MYO5C: variants seen among roughly 807,000 people sequenced by gnomAD.
MYO5C encodes unconventional myosin-Vc.
In MYO5C, 194 loss-of-function variants were observed where a neutral mutation model predicts 235.7. The observed-to-expected ratio is 0.82, with a 90% CI of 0.73 to 0.93. MYO5C has a LOEUF of 0.93. Among genes scored for constraint, MYO5C ranks in the 40% least tolerant of loss-of-function variants. The probability of loss-of-function intolerance (pLI) is 0.00; values close to 1 mark genes in which losing one functional copy is unlikely to be tolerated. For synonymous variants in MYO5C, 707 were observed against 754.8 expected (o/e 0.94, Z 1.04); for missense variants, 2,038 against 2,127.2 (o/e 0.96, Z 0.82).
chr15:52,208,163 A>G (rs2141270827), intron 36 of MYO5C, among the ~76,000 whole-genome samples: 1 of 152,346 alleles, frequency 6.6e-6, no homozygotes, highest in East Asian at 1.9e-4. Context: ...CTGGAAGCAG[A>G]GTCGGAATGG....
chr15:52,219,413 G>A lies in MYO5C; in HGVS notation c.3785+346C>T, dbSNP rs531175075. Among the ~76,000 whole-genome samples, 26 of 152,312 alleles carry A rather than the reference G, an allele frequency of 1.7e-4. 1 individual carries two copies. The highest frequency in any genetic ancestry group is 3.2e-4 in the Non-Finnish European group (22 of 68,030). On this transcript the variant is annotated intron_variant, in intron 31 of 40. Transcript: ENST00000261839. ...CACACTCTTATCTGTTGTTTGAACA[G>A]ATAATTCAAGTGCATGGTATAGCAT...
At chr15:52,223,748 T>A in intron 28 of MYO5C, 24 bp from the exon 29 acceptor site, 1 of 1,602,934 alleles carries the variant, frequency 6.2e-7, no homozygotes, top group Non-Finnish European at 8.5e-7. Context: ...GGTCAAGAAA[T>A]AAACCACATG....
At position 52,213,229 on chromosome 15, in the gene MYO5C, T is replaced by C; in HGVS notation, c.4100A>G (p.Lys1367Arg). ...PKEYLGMLQY[K>R]REDEAKLIQN... The stretch of plus-strand genomic sequence containing the variant: ...AATGAGCTTGGCCTCGTCTTCTCTC[T>C]TGTATTGCAGCATTCCAAGGTACTC... The change falls in exon 34 of 41, where the codon AAG becomes AGG. Residue 1367 changes from lysine to arginine, a missense_variant. Transcript: ENST00000261839. 6.2e-7 allele frequency: 1 copy of C among 1,614,184 alleles called. No homozygotes were observed. Among genetic ancestry groups the C allele is most frequent in the Non-Finnish European group, 8.5e-7 (1 of 1,180,004 alleles).
intron 36 of MYO5C, among the ~76,000 whole-genome samples, chr15:52,206,754 G>A (rs1032685689): frequency 6.6e-6 from 1 of 152,162 alleles, no homozygotes; most frequent in African/African-American, 2.4e-5. Context: ...CCCAGCCTGC[G>A]GTATTTTGTT....
intron 38 of MYO5C, among the ~76,000 whole-genome samples, chr15:52,199,437 GA>G (rs1373175123): frequency 6.6e-6 from 1 of 152,180 alleles, no homozygotes; most frequent in East Asian, 1.9e-4. Context: ...GCTATTTGAG[GA>G]CTTGGAAAAG....
intron 14 of MYO5C, 114 bp downstream of exon 14, chr15:52,248,586 T>TCA (rs35030676): frequency 0.11 from 69,443 of 643,140 alleles, 1,468 homozygotes; most frequent in East Asian, 0.18. Flanking sequence ...TCCAGAGAGT[T>TCA]CACACACACA....
chr15:52,251,752 C>T (rs1238948128), intron 12 of MYO5C, among the ~76,000 whole-genome samples: 4 of 151,994 alleles, frequency 2.6e-5, no homozygotes, highest in Non-Finnish European at 5.9e-5. Context: ...GCAACCTCTG[C>T]CTCCTGGGTT....
In MYO5C at chr15:52,205,036, G is replaced by A. The variant is rs1185386351; in HGVS notation, c.4649C>T (p.Ser1550Phe). 6.2e-7 allele frequency: 1 copy of A among 1,614,118 alleles called. No individual in the cohort carries two copies. The highest frequency in any genetic ancestry group is 1.3e-5 in the African/African-American group (1 of 74,948). Residue 1550 changes from serine to phenylalanine, a missense_variant, in exon 38 of 41, where the codon TCC becomes TTC. By Grantham distance (155) the Ser-to-Phe change is radical. Transcript: ENST00000261839. The part of the protein sequence containing the change: ...IDDTDGYTMT[S>F]VLQQLSYFYT... The stretch of plus-strand genomic sequence containing the variant: ...AAAGTAGCTCAGCTGTTGCAGGACG[G>A]AGGTCATGGTGTAGCCGTCCGTGTC...
At chr15:52,292,753 G>A (rs149226707) in intron 1 of MYO5C, among the ~76,000 whole-genome samples, 5 of 152,368 alleles carry the variant, frequency 3.3e-5, no homozygotes, top group East Asian at 1.9e-4. Context: ...GGAAGGCACC[G>A]TGTGGAGGGG....
chr15:52,279,302 C>A (rs1479276057), intron 3 of MYO5C, among the ~76,000 whole-genome samples: 1 of 152,172 alleles, frequency 6.6e-6, no homozygotes, highest in African/African-American at 2.4e-5. Context: ...TGTATGAAAT[C>A]TGATGAGAAA....
Position 52,287,206 on chromosome 15 carries a change from T to A in MYO5C, c.28-4314A>T, listed in dbSNP as rs375864133. 3.3e-5 allele frequency among the ~76,000 whole-genome samples: 5 copies of A among 151,664 alleles called. No homozygotes were observed. The East Asian group carries it at 7.7e-4, about 23-fold the overall frequency. On this transcript the variant is annotated intron_variant, in intron 1 of 40. Transcript: ENST00000261839. Reference sequence around the variant, plus strand: ...CTTGCCGAAACGTGACATGGATGTGTAAGTTTTGAGAGAACGAGAATGGAA... The same window carrying A: ...CTTGCCGAAACGTGACATGGATGTGAAAGTTTTGAGAGAACGAGAATGGAA...
At position 52,200,548 on chromosome 15, in the gene MYO5C, A is replaced by AAATAAT. The variant is rs34281585; in HGVS notation, c.4821-4071_4821-4066dup. ...CTGCTGCACTCAAGCTTGGGTAACT[A>AAATAAT]AATAATAATAATAATAATAATAAAA... On this transcript the variant is annotated intron_variant, in intron 38 of 40. Transcript: ENST00000261839. Among the ~76,000 whole-genome samples the AAATAAT allele has an allele frequency of 6.9e-3, 1,041 of 151,096 alleles. 11 individuals are homozygous for AAATAAT. The highest frequency in any genetic ancestry group is 0.023 in the African/African-American group (930 of 41,302).
At chr15:52,218,937 A>G (rs1296291055) in intron 31 of MYO5C, among the ~76,000 whole-genome samples, 1 of 152,072 alleles carries the variant, frequency 6.6e-6, no homozygotes, top group Non-Finnish European at 1.5e-5. Context: ...TCTCCACCCA[A>G]CCTCAGCCCC....
At position 52,256,711 on chromosome 15, in the gene MYO5C, G is replaced by C. The variant is rs1328984822; in HGVS notation, c.1323C>G (p.Thr441=). 1 of 1,611,928 alleles carries C rather than the reference G, an allele frequency of 6.2e-7. No individual in the cohort carries two copies. The highest frequency in any genetic ancestry group is 1.3e-5 in the African/African-American group (1 of 74,766). The change falls in exon 11 of 41, where the codon ACC becomes ACG. Residue 441 remains threonine (T), a synonymous_variant. Coordinates refer to ENST00000261839, the MANE Select transcript of MYO5C (RefSeq NM_018728.4). ...ATTGTTCAAAGCTGTTCACATCAAA[G>C]GTTTCAAAACTGAAATACAATTTAA... ...IGVLDIYGFE[T]FDVNSFEQFC...
intron 38 of MYO5C, among the ~76,000 whole-genome samples, chr15:52,204,164 A>G (rs1013809482): frequency 1.3e-5 from 2 of 151,716 alleles, no homozygotes; most frequent in East Asian, 3.9e-4. Context: ...TTCAGGATGA[A>G]CTCCAAATGC....
chr15:52,287,976 C>G (rs1324561842), intron 1 of MYO5C, among the ~76,000 whole-genome samples: 3 of 123,202 alleles, frequency 2.4e-5, no homozygotes, highest in Admixed American at 8.2e-5. Context: ...AACTCCGTCT[C>G]AAAAAAAAAA....
chr15:52,194,057 G>A lies in MYO5C; in HGVS notation c.5077-3C>T, dbSNP rs117839799. The A allele has an allele frequency of 8.5e-5, 136 of 1,606,250 alleles. 2 individuals carry two copies. In the East Asian group the frequency reaches 2.6e-3, roughly 30 times the overall value. ...TCCTCCCGGCTATTTAGGAGAGCCTGAAATTAGAATCAGAGGAAAAATGAG... is the reference window on the plus strand; with the variant it reads ...TCCTCCCGGCTATTTAGGAGAGCCTAAAATTAGAATCAGAGGAAAAATGAG... On this transcript the variant is annotated splice_polypyrimidine_tract_variant and splice_region_variant and intron_variant, in intron 40 of 40. Coordinates refer to ENST00000261839, the MANE Select transcript of MYO5C (RefSeq NM_018728.4).
chr15:52,225,561 A>T lies in MYO5C; in HGVS notation c.3208-29T>A, dbSNP rs756965699. On this transcript the variant is annotated intron_variant, in intron 25 of 40. Transcript: ENST00000261839. ...AATCACAGCAATGACGGAATCAGGTAAAGAAAAAACAACGATTATGCTTTA... is the reference window on the plus strand; with the variant it reads ...AATCACAGCAATGACGGAATCAGGTTAAGAAAAAACAACGATTATGCTTTA... 2.6e-6 allele frequency: 4 copies of T among 1,522,782 alleles called. No individual in the cohort carries two copies. The South Asian group carries it at 4.5e-5, about 17-fold the overall frequency. The allele number at this position is 1,522,782 out of a possible 1,614,324, so 94.3% of individuals were successfully genotyped here.
chr15:52,235,733 C>A lies in MYO5C; in HGVS notation c.2899G>T (p.Glu967Ter). ...KLAKLQKHNS[E>*]LETQKEQIQL... ...ATTTGTTCTTTCTGTGTTTCCAGTTCTGAATTATGCTTCTGAAGCTTTGCC... is the reference window on the plus strand; with the variant it reads ...ATTTGTTCTTTCTGTGTTTCCAGTTATGAATTATGCTTCTGAAGCTTTGCC... Residue 967 changes from glutamate to a stop codon, truncating the protein, a stop_gained, in exon 23 of 41, where the codon GAA becomes TAA. Transcript: ENST00000261839. LOFTEE classifies it high-confidence loss of function. 6.2e-7 allele frequency: 1 copy of A among 1,611,392 alleles called. No individual in the cohort carries two copies. Among genetic ancestry groups the A allele is most frequent in the Non-Finnish European group, 8.5e-7 (1 of 1,178,670 alleles).
Sources: gnomAD v4.1 joint callset for allele counts (sites outside exome capture counted in the v4.1 genomes callset) on GRCh38, gnomAD v4.1.1 for gene constraint, MANE v1.5 for transcripts, NCBI Gene and HGNC (gene_info 2026-07-23, HGNC 2026-07-21) for gene names.